Variants in ZBTB20 observed in about 807,000 individuals in gnomAD.
ZBTB20 encodes zinc finger and BTB domain containing 20.
In ZBTB20, 9 loss-of-function variants were observed where a neutral mutation model predicts 56.9. The ratio of observed to expected loss-of-function variants is 0.16; its 90% CI spans 0.10 to 0.28. ZBTB20 has a LOEUF of 0.28. ZBTB20 is among the 10% of genes least tolerant of loss of function. The pLI is 1.00. For synonymous variants in ZBTB20, 417 were observed against 420.7 expected (o/e 0.99, Z 0.11); for missense variants, 655 against 1,003.0 (o/e 0.65, Z 4.69).
intron 6 of ZBTB20, among the ~76,000 whole-genome samples, chr3:114,561,304 T>C (rs752293756): frequency 1.3e-5 from 2 of 152,238 alleles, no homozygotes; most frequent in Non-Finnish European, 2.9e-5. Flanking sequence ...GAATCACAAA[T>C]GTTCTTTATG....
At chr3:114,822,528 C>T (rs546459717) in intron 4 of ZBTB20, among the ~76,000 whole-genome samples, 5 of 152,040 alleles carry the variant, frequency 3.3e-5, no homozygotes, top group African/African-American at 9.6e-5. Context: ...TCAAGGAAAG[C>T]TAAATGTATT....
At chr3:114,683,375 G>A (rs2062102528) in intron 6 of ZBTB20, among the ~76,000 whole-genome samples, 2 of 152,262 alleles carry the variant, frequency 1.3e-5, no homozygotes, top group Non-Finnish European at 2.9e-5. Context: ...ATCAGGCTAT[G>A]AATGGACAAT....
chr3:114,996,236 C>A (rs1324540001), intron 2 of ZBTB20, among the ~76,000 whole-genome samples: 1 of 151,548 alleles, frequency 6.6e-6, no homozygotes, highest in Admixed American at 6.6e-5. Context: ...GCTTTAAGCT[C>A]CGGGGTACAT....
In ZBTB20 at chr3:114,339,312, T is replaced by G. The variant is rs2079589256; in HGVS notation, c.1919A>C (p.Asn640Thr). 1.2e-6 allele frequency: 2 copies of G among 1,614,224 alleles called. No individual in the cohort carries two copies. The highest frequency in any genetic ancestry group is 1.7e-6 in the Non-Finnish European group (2 of 1,180,046). The change falls in exon 12 of 12, where the codon AAC becomes ACC. Residue 640 changes from asparagine (N) to threonine (T), a missense_variant. Physicochemically the swap from Asn to Thr is moderately conservative, Grantham distance 65 (BLOSUM62 0). Transcript: ENST00000675478. This position sits in a 1 kb window ranked among gnomAD's most constrained non-coding sequence, Gnocchi z 4.2. ...GGAGCTCTTCTGGGTGAAGCGCTTG[T>G]TGCAGATACTACACTGGTATGCCCT... Reference protein sequence around the residue: ...GVRAYQCSICNKRFTQKSSLN... With the variant: ...GVRAYQCSICTKRFTQKSSLN...
At chr3:115,109,200 A>G (rs1439940042) in intron 1 of ZBTB20, among the ~76,000 whole-genome samples, 1 of 152,206 alleles carries the variant, frequency 6.6e-6, no homozygotes, top group East Asian at 1.9e-4. Flanking sequence ...CCACATCTAC[A>G]TAATTTACTT....
intron 3 of ZBTB20, among the ~76,000 whole-genome samples, chr3:114,900,949 C>T (rs1441370886): frequency 6.6e-6 from 1 of 152,192 alleles, no homozygotes; most frequent in Non-Finnish European, 1.5e-5. Flanking sequence ...ACTCAACACA[C>T]TTTGACAAAA....
At chr3:115,106,320 G>A (rs992040339) in intron 1 of ZBTB20, among the ~76,000 whole-genome samples, 1 of 144,302 alleles carries the variant, frequency 6.9e-6, no homozygotes, top group Non-Finnish European at 1.5e-5. Flanking sequence ...TGCAAGCTCT[G>A]CCTCCCGGGT....
intron 5 of ZBTB20, among the ~76,000 whole-genome samples, chr3:114,769,106 G>T (rs974139342): frequency 4.6e-5 from 7 of 152,098 alleles, no homozygotes; most frequent in Non-Finnish European, 8.8e-5. Flanking sequence ...AACGTGTACT[G>T]CATATCTTAT....
At chr3:115,127,366 G>A (rs1033470310) in intron 1 of ZBTB20, among the ~76,000 whole-genome samples, 3 of 152,308 alleles carry the variant, frequency 2.0e-5, no homozygotes, top group African/African-American at 7.2e-5. Context: ...AAGGCAGGCA[G>A]ATCACTTGAG....
intron 6 of ZBTB20, among the ~76,000 whole-genome samples, chr3:114,562,270 T>C (rs1024633183): frequency 4.0e-5 from 6 of 151,888 alleles, no homozygotes; most frequent in African/African-American, 1.2e-4. Flanking sequence ...GTTCAAGCGA[T>C]TCTCCTGCCT....
At position 114,380,888 on chromosome 3, in the gene ZBTB20, G is replaced by T; in HGVS notation, c.-101C>A. The T allele has an allele frequency of 9.0e-7, 1 of 1,114,648 alleles. No individual in the cohort carries two copies. Among genetic ancestry groups the T allele is most frequent in the Non-Finnish European group, 1.2e-6 (1 of 836,306 alleles). The allele number at this position is 1,114,648 out of a possible 1,614,324, so 69.0% of individuals were successfully genotyped here. On this transcript the variant is annotated 5_prime_UTR_variant, in exon 9 of 12. Transcript: ENST00000675478. ...ACCGTACTAGCTGTGCCTCTAACTTGCTGTGTGGCCTTGGGCACCTCACTT... is the reference window on the plus strand; with the variant it reads ...ACCGTACTAGCTGTGCCTCTAACTTTCTGTGTGGCCTTGGGCACCTCACTT...
chr3:115,042,405 T>C (rs1190126167), intron 2 of ZBTB20, among the ~76,000 whole-genome samples: 1 of 152,226 alleles, frequency 6.6e-6, no homozygotes, highest in African/African-American at 2.4e-5. Flanking sequence ...AGCTGAAGTC[T>C]GCTCAAACGC....
intron 4 of ZBTB20, among the ~76,000 whole-genome samples, chr3:114,860,513 T>A (rs1182087551): frequency 6.6e-6 from 1 of 152,140 alleles, no homozygotes; most frequent in Non-Finnish European, 1.5e-5. Flanking sequence ...ATCAGAGATT[T>A]CCATAGGCAG....
intron 11 of ZBTB20, among the ~76,000 whole-genome samples, chr3:114,345,087 T>G (rs562612169): frequency 6.6e-6 from 1 of 152,346 alleles, no homozygotes; most frequent in South Asian, 2.1e-4. Flanking sequence ...GTGAAAAGAA[T>G]GTATCTGTGT....
intron 4 of ZBTB20, among the ~76,000 whole-genome samples, chr3:114,870,727 T>C (rs563261124): frequency 7.8e-4 from 118 of 152,194 alleles, no homozygotes; most frequent in Admixed American, 1.6e-3. Flanking sequence ...CCAAGAAGAA[T>C]AAGACAGAAA....
At chr3:114,455,053 A>AGG (rs544523587) in intron 7 of ZBTB20, among the ~76,000 whole-genome samples, 1 of 113,996 alleles carries the variant, frequency 8.8e-6, no homozygotes, top group East Asian at 2.7e-4. Flanking sequence ...GAAGAGAGAG[A>AGG]GGGGGGGGAG....
chr3:114,876,117 G>T (rs2076182316), intron 4 of ZBTB20, among the ~76,000 whole-genome samples: 1 of 145,240 alleles, frequency 6.9e-6, no homozygotes, highest in Admixed American at 6.8e-5. Flanking sequence ...TGCACCTGTA[G>T]TTTGTTTTTT....
chr3:114,606,494 T>C (rs2057163385), intron 6 of ZBTB20, among the ~76,000 whole-genome samples: 1 of 152,112 alleles, frequency 6.6e-6, no homozygotes, highest in Admixed American at 6.5e-5. Context: ...ACATACAAAG[T>C]CAGCTTGATC....
chr3:114,470,883 T>C (rs2040048270), intron 7 of ZBTB20, among the ~76,000 whole-genome samples: 1 of 152,176 alleles, frequency 6.6e-6, no homozygotes, highest in Non-Finnish European at 1.5e-5. Context: ...AAAATTCATC[T>C]TTGTCCAGTG....
Sources: allele counts gnomAD v4.1 joint callset (sites outside exome capture counted in the v4.1 genomes callset), GRCh38; gene constraint gnomAD v4.1.1; non-coding constraint Gnocchi (gnomAD v3.1); transcripts MANE v1.5; gene names NCBI Gene and HGNC (gene_info 2026-07-23, HGNC 2026-07-21).